The following ZBTB16 variants were observed in gnomAD, a reference collection of about 807,000 sequenced individuals.
The protein encoded by ZBTB16 is zinc finger and BTB domain-containing protein 16.
ZBTB16 carries 8 observed loss-of-function variants against 56.8 expected under a neutral mutation model. The ratio of observed to expected loss-of-function variants is 0.14; its 90% CI spans 0.08 to 0.25. The LOEUF is 0.25. ZBTB16 is among the 10% of genes least tolerant of loss of function. The pLI is 1.00. For synonymous variants in ZBTB16, 363 were observed against 368.5 expected, an observed-to-expected ratio of 0.98 and a Z score of 0.17; for missense variants, 625 against 903.0, an observed-to-expected ratio of 0.69 and a Z score of 3.95.
At chr11:114,179,794 CA>C (rs1318142799) in intron 3 of ZBTB16, among the ~76,000 whole-genome samples, 1 of 151,844 alleles carries the variant, frequency 6.6e-6, no homozygotes, top group Non-Finnish European at 1.5e-5. Flanking sequence ...TGATTGCATT[CA>C]GTGTCTTCTG....
intron 4 of ZBTB16, among the ~76,000 whole-genome samples, chr11:114,239,216 T>C (rs1944653405): frequency 6.6e-6 from 1 of 152,218 alleles, no homozygotes; most frequent in Admixed American, 6.5e-5. Context: ...CTGTATAGGC[T>C]GAGATGTCCT....
At chr11:114,178,169 G>A (rs899249528) in intron 3 of ZBTB16, among the ~76,000 whole-genome samples, 2 of 151,986 alleles carry the variant, frequency 1.3e-5, no homozygotes, top group African/African-American at 4.8e-5. Context: ...TTTAAATTGC[G>A]TGATATATCT....
intron 2 of ZBTB16, among the ~76,000 whole-genome samples, chr11:114,088,329 A>G (rs767365765): frequency 5.9e-5 from 9 of 151,764 alleles, no homozygotes; most frequent in Non-Finnish European, 8.8e-5. Flanking sequence ...TTTAGTAGAG[A>G]TGCGGTTTCG....
At chr11:114,230,999 G>GT (rs755806676) in intron 4 of ZBTB16, among the ~76,000 whole-genome samples, 14 of 151,980 alleles carry the variant, frequency 9.2e-5, no homozygotes, top group Non-Finnish European at 1.9e-4. Context: ...AGGTTTTTGG[G>GT]TTTTTTTCCC....
chr11:114,121,323 C>T (rs972897098), intron 2 of ZBTB16, among the ~76,000 whole-genome samples: 3 of 152,110 alleles, frequency 2.0e-5, no homozygotes, highest in Admixed American at 6.6e-5. Flanking sequence ...TCCAGGGCAC[C>T]GTGGCTTCTG....
intron 2 of ZBTB16, among the ~76,000 whole-genome samples, chr11:114,068,384 T>C (rs1939204938): frequency 6.6e-6 from 1 of 152,180 alleles, no homozygotes; most frequent in Non-Finnish European, 1.5e-5. Context: ...AAGGGTAAGC[T>C]GTTGGCTCAA....
intron 2 of ZBTB16, among the ~76,000 whole-genome samples, chr11:114,094,364 C>T (rs558471235): frequency 6.6e-6 from 1 of 152,060 alleles, no homozygotes; most frequent in Non-Finnish European, 1.5e-5. Context: ...TTGAGTAAAA[C>T]AAAAACCAAA....
intron 2 of ZBTB16, among the ~76,000 whole-genome samples, chr11:114,138,563 T>C (rs1021720202): frequency 7.2e-5 from 11 of 152,248 alleles, no homozygotes; most frequent in African/African-American, 2.7e-4. Flanking sequence ...CTGTGTATTA[T>C]GTTTCTTTGA....
rs142418834 is a variant in ZBTB16 at position 114,152,920 on chromosome 11, G to C, written c.1269-3417G>C. On this transcript the variant is annotated intron_variant, in intron 2 of 6. Coordinates refer to ENST00000335953, the MANE Select transcript of ZBTB16 (RefSeq NM_006006.6). ...GTGAGTGTGTGGTAAGGAAGAAGGA[G>C]GTGGATAGAATTTCCATTTTGATCT... Among the ~76,000 whole-genome samples the C allele has an allele frequency of 5.4e-3, 820 of 152,294 alleles. 1 individual carries two copies. The highest frequency in any genetic ancestry group is 8.9e-3 in the Non-Finnish European group (603 of 68,032).
At chr11:114,072,909 G>A (rs1239583711) in intron 2 of ZBTB16, among the ~76,000 whole-genome samples, 7 of 152,050 alleles carry the variant, frequency 4.6e-5, no homozygotes, top group Admixed American at 6.5e-5. Context: ...AAAATTAGCC[G>A]GGCGTGGTGG....
In ZBTB16 at chr11:114,092,745, A is replaced by G. The variant is rs550389614; in HGVS notation, c.1268+28177A>G. Among the ~76,000 whole-genome samples, 10 of 152,178 alleles carry G rather than the reference A, an allele frequency of 6.6e-5. No individual in the cohort carries two copies. The South Asian group carries it at 8.3e-4, about 13-fold the overall frequency. On this transcript the variant is annotated intron_variant, in intron 2 of 6. Coordinates refer to ENST00000335953, the MANE Select transcript of ZBTB16 (RefSeq NM_006006.6). ...TCGTAAGGCTTAGGTCCCATAACTC[A>G]TGGGGTTGGCTTGCACAGGGCTCTC...
In ZBTB16 at chr11:114,165,029, C is replaced by T. The variant is rs1057099437; in HGVS notation, c.1366+8595C>T. ...CCATCTGTCTTCGTTGGTCTTTTCT[C>T]TGTCTCTCTCTTTCTCTGTCTTTGT... On this transcript the variant is annotated intron_variant, in intron 3 of 6. Transcript: ENST00000335953. Among the ~76,000 whole-genome samples, 4 of 152,204 alleles carry T rather than the reference C, an allele frequency of 2.6e-5. No individual in the cohort carries two copies. In the South Asian group the frequency reaches 6.2e-4, roughly 24 times the overall value.
intron 2 of ZBTB16, among the ~76,000 whole-genome samples, chr11:114,147,724 T>G (rs1942145544): frequency 6.6e-6 from 1 of 152,260 alleles, no homozygotes; most frequent in South Asian, 2.1e-4. Flanking sequence ...AAGTATGTAT[T>G]GATCTCTTCC....
chr11:114,066,388 G>C (rs1178399320), intron 2 of ZBTB16, among the ~76,000 whole-genome samples: 1 of 152,180 alleles, frequency 6.6e-6, no homozygotes, highest in Admixed American at 6.5e-5. Flanking sequence ...AATAGACTGA[G>C]GTTGTGTTTG....
chr11:114,115,252 C>G (rs1312065604), intron 2 of ZBTB16, among the ~76,000 whole-genome samples: 7 of 151,700 alleles, frequency 4.6e-5, no homozygotes, highest in Non-Finnish European at 1.0e-4. Context: ...TGTCCTCCAG[C>G]ATAGTTTAAA....
At chr11:114,146,354 T>C (rs138643417) in intron 2 of ZBTB16, among the ~76,000 whole-genome samples, 34 of 152,266 alleles carry the variant, frequency 2.2e-4, no homozygotes, top group African/African-American at 7.7e-4. Flanking sequence ...GGTAGGAATA[T>C]GAAGGCAGAC....
chr11:114,206,503 C>G (rs1943877070), intron 4 of ZBTB16, among the ~76,000 whole-genome samples: 1 of 152,214 alleles, frequency 6.6e-6, no homozygotes, highest in South Asian at 2.1e-4. Flanking sequence ...AGGCAGCCCT[C>G]CTTGGCCGTC....
intron 4 of ZBTB16, chr11:114,237,131 A>G (rs1335196400): frequency 6.6e-6 from 1 of 152,306 alleles, no homozygotes; most frequent in African/African-American, 2.4e-5. Flanking sequence ...TGTACTCACC[A>G]TAAATATGCA....
rs1206248985 is a variant in ZBTB16, at chr11:114,060,902, C to T, written c.-91+1020C>T. Reference sequence around the variant, plus strand: ...GGAGGGCGGGCAGACCCCTTCTCGCCTTTCCTCCCACAACTCGCTGCGGGG... The same window carrying T: ...GGAGGGCGGGCAGACCCCTTCTCGCTTTTCCTCCCACAACTCGCTGCGGGG... On this transcript the variant is annotated intron_variant, in intron 1 of 6. Transcript: ENST00000335953. The surrounding 1 kb of genome is among the most constrained non-coding windows in gnomAD (Gnocchi z 6.0). Among the ~76,000 whole-genome samples, 1 of 152,122 alleles carries T rather than the reference C, an allele frequency of 6.6e-6. No individual in the cohort carries two copies. Among genetic ancestry groups the T allele is most frequent in the Non-Finnish European group, 1.5e-5 (1 of 68,000 alleles).
Sources: gnomAD v4.1 joint callset for allele counts (sites outside exome capture counted in the v4.1 genomes callset) on GRCh38, gnomAD v4.1.1 for gene constraint, Gnocchi (gnomAD v3.1) non-coding constraint, MANE v1.5 for transcripts, NCBI Gene and HGNC (gene_info 2026-07-23, HGNC 2026-07-21) for gene names.